Variants in PALLD observed in about 807,000 individuals in gnomAD.
PALLD encodes the protein palladin.
A neutral mutation model predicts 123.5 loss-of-function variants in PALLD; 61 were observed. That is an observed-to-expected ratio of 0.49 (90% CI 0.40 to 0.61). PALLD has a LOEUF of 0.61. Ranked by LOEUF, PALLD falls within the 20% of genes least tolerant of loss-of-function variation. PALLD has a pLI of 0.00. For missense variants in PALLD, 1,273 were observed against 1,377.0 expected (o/e 0.92, Z 1.20); for synonymous variants, 465 against 496.4 (o/e 0.94, Z 0.84).
intron 10 of PALLD, among the ~76,000 whole-genome samples, chr4:168,799,169 G>C (rs1485718843): frequency 1.3e-5 from 2 of 152,218 alleles, no homozygotes; most frequent in Non-Finnish European, 2.9e-5. Context: ...CAGTGTGTGA[G>C]TGGTTGAGGT....
intron 10 of PALLD, among the ~76,000 whole-genome samples, chr4:168,780,133 AAG>A (rs1735711302): frequency 6.6e-6 from 1 of 152,150 alleles, no homozygotes; most frequent in Non-Finnish European, 1.5e-5. Flanking sequence ...TCCTGACCTC[AAG>A]TGATTCGCCC....
chr4:168,527,748 G>A (rs767501043), intron 2 of PALLD, among the ~76,000 whole-genome samples: 38 of 152,174 alleles, frequency 2.5e-4, no homozygotes, highest in Admixed American at 3.3e-4. Flanking sequence ...CCACTGTCTT[G>A]CCCTGAGTGG....
At chr4:168,656,733 T>A (rs1372161723) in intron 2 of PALLD, among the ~76,000 whole-genome samples, 1 of 152,244 alleles carries the variant, frequency 6.6e-6, no homozygotes, top group Admixed American at 6.5e-5. Context: ...AGTATTTTCA[T>A]GTGCCATGCC....
intron 2 of PALLD, among the ~76,000 whole-genome samples, chr4:168,574,267 T>C (rs769688472): frequency 6.6e-6 from 1 of 152,050 alleles, no homozygotes; most frequent in Non-Finnish European, 1.5e-5. Context: ...TAAATTATTG[T>C]GCTTTACAAG....
chr4:168,773,781 C>T (rs1581401304), intron 10 of PALLD, among the ~76,000 whole-genome samples: 1 of 152,196 alleles, frequency 6.6e-6, no homozygotes, highest in Admixed American at 6.5e-5. Context: ...CCGGCCTCCC[C>T]ACCCACCTCG....
intron 2 of PALLD, among the ~76,000 whole-genome samples, chr4:168,558,536 T>C (rs942274043): frequency 2.0e-5 from 3 of 152,232 alleles, no homozygotes; most frequent in African/African-American, 7.2e-5. Flanking sequence ...AGTGAGTCTC[T>C]TCACCAGCCC....
intron 10 of PALLD, among the ~76,000 whole-genome samples, chr4:168,852,234 AC>A (rs1747907889): frequency 6.6e-6 from 1 of 152,068 alleles, no homozygotes; most frequent in South Asian, 2.1e-4. Context: ...AATACAAAGC[AC>A]CCTGCCTTCA....
intron 2 of PALLD, among the ~76,000 whole-genome samples, chr4:168,556,344 C>T (rs1189404962): frequency 6.6e-6 from 1 of 152,180 alleles, no homozygotes; most frequent in Non-Finnish European, 1.5e-5. Flanking sequence ...ATCCGCCCGC[C>T]TCTGCCTCCC....
intron 10 of PALLD, among the ~76,000 whole-genome samples, chr4:168,790,794 A>G (rs909231541): frequency 4.6e-5 from 7 of 152,134 alleles, no homozygotes. Flanking sequence ...ACTGTTTATT[A>G]TCAGATAAAC....
intron 2 of PALLD, among the ~76,000 whole-genome samples, chr4:168,538,466 A>AATTTT (rs996246889): frequency 6.8e-6 from 1 of 146,830 alleles, no homozygotes; most frequent in Non-Finnish European, 1.5e-5. Flanking sequence ...AATAAAATAA[A>AATTTT]ATTTTATTTT....
chr4:168,870,612 A>G (rs1051946656), intron 10 of PALLD, among the ~76,000 whole-genome samples: 2 of 152,206 alleles, frequency 1.3e-5, no homozygotes, highest in Non-Finnish European at 2.9e-5. Flanking sequence ...TAGTTGTCCA[A>G]GTTTACCAGT....
chr4:168,598,619 G>T, intron 2 of PALLD: 1 of 326,042 alleles, frequency 3.1e-6, no homozygotes. Flanking sequence ...TTTAATACCA[G>T]CTATATTATT....
intron 2 of PALLD, among the ~76,000 whole-genome samples, chr4:168,636,905 A>G (rs1776399658): frequency 1.3e-5 from 2 of 152,086 alleles, no homozygotes; most frequent in African/African-American, 2.4e-5. Context: ...GCCTCCCTGG[A>G]TGTGAATGTT....
intron 10 of PALLD, among the ~76,000 whole-genome samples, chr4:168,739,341 A>G (rs1253887659): frequency 3.9e-5 from 6 of 152,212 alleles, no homozygotes; most frequent in Admixed American, 1.3e-4. Context: ...AGAAATCTCC[A>G]TACTGTTTTC....
At chr4:168,867,917 AAAG>A (rs2151065789) in intron 10 of PALLD, among the ~76,000 whole-genome samples, 1 of 152,122 alleles carries the variant, frequency 6.6e-6, no homozygotes, top group South Asian at 2.1e-4. Flanking sequence ...AAAAAAAAAA[AAAG>A]AAAAAAAAAA....
chr4:168,663,317 AG>A, intron 2 of PALLD, among the ~76,000 whole-genome samples: 1 of 152,292 alleles, frequency 6.6e-6, no homozygotes, highest in Admixed American at 6.5e-5. Context: ...CCAAGGAGCA[AG>A]GGGGAAATGT....
chr4:168,595,013 G>T (rs539901878), intron 2 of PALLD, among the ~76,000 whole-genome samples: 1 of 152,164 alleles, frequency 6.6e-6, no homozygotes, highest in Non-Finnish European at 1.5e-5. Flanking sequence ...GCAGCTCAAG[G>T]TCAAATGCAT....
intron 2 of PALLD, among the ~76,000 whole-genome samples, chr4:168,601,271 A>T (rs972238537): frequency 1.3e-5 from 2 of 152,228 alleles, no homozygotes; most frequent in Non-Finnish European, 2.9e-5. Flanking sequence ...TTTAGAGAAC[A>T]GCTTGTGCAC....
In PALLD at chr4:168,524,167, C is replaced by G. The variant is rs139399592; in HGVS notation, c.908+11755C>G. Among the ~76,000 whole-genome samples the G allele has an allele frequency of 8.5e-5, 13 of 152,244 alleles. No individual in the cohort carries two copies. The East Asian group carries it at 2.3e-3, about 27-fold the overall frequency. ...TACTTAAACAACAGCTGTCAGATGA[C>G]TCATTTTGTGGTTGTATTGCTTGTA... On this transcript the variant is annotated intron_variant, in intron 2 of 21. Coordinates refer to ENST00000505667, the MANE Select transcript of PALLD (RefSeq NM_001166108.2).
Sources: allele counts gnomAD v4.1 joint callset (sites outside exome capture counted in the v4.1 genomes callset), GRCh38; gene constraint gnomAD v4.1.1; transcripts MANE v1.5; gene names NCBI Gene and HGNC (gene_info 2026-07-23, HGNC 2026-07-21).